Variants in EPHA3 observed in about 807,000 individuals in gnomAD.
The protein encoded by EPHA3 is EPH receptor A3, also known as ephrin type-A receptor 3.
In EPHA3, 42 loss-of-function variants were observed where a neutral mutation model predicts 107.1. The ratio of observed to expected loss-of-function variants is 0.39; its 90% CI spans 0.31 to 0.51. The LOEUF is 0.51. Ranked by LOEUF, EPHA3 falls within the 20% of genes least tolerant of loss-of-function variation. The pLI is 0.78. For synonymous variants in EPHA3, 461 were observed against 424.8 expected, an observed-to-expected ratio of 1.09 and a Z score of -1.05; for missense variants, 1,183 against 1,211.2, an observed-to-expected ratio of 0.98 and a Z score of 0.35.
intron 15 of EPHA3, among the ~76,000 whole-genome samples, chr3:89,470,928 T>C (rs965808386): frequency 6.6e-6 from 1 of 152,222 alleles, no homozygotes; most frequent in Non-Finnish European, 1.5e-5. Context: ...GTCTGTGTAA[T>C]ATTCTTAGCA....
At chr3:89,435,851 G>T (rs1709660168) in intron 13 of EPHA3, among the ~76,000 whole-genome samples, 1 of 150,648 alleles carries the variant, frequency 6.6e-6, no homozygotes, top group African/African-American at 2.4e-5. Context: ...TACTTGGGAG[G>T]CTGAGGCATA....
intron 3 of EPHA3, among the ~76,000 whole-genome samples, chr3:89,243,267 C>A (rs1048591120): frequency 6.6e-6 from 1 of 152,070 alleles, no homozygotes; most frequent in Non-Finnish European, 1.5e-5. Flanking sequence ...TGGGTATATA[C>A]GCAGTAATGG....
chr3:89,182,755 T>A lies in EPHA3; in HGVS notation c.154-27105T>A, dbSNP rs193232706. ...GTATAATCAACAAAAACTTAGCATA[T>A]CTTTCTACATCTGTACCAATGTCAG... On this transcript the variant is annotated intron_variant, in intron 2 of 16. Coordinates refer to ENST00000336596, the MANE Select transcript of EPHA3 (RefSeq NM_005233.6). 1.3e-4 allele frequency among the ~76,000 whole-genome samples: 19 copies of A among 151,996 alleles called. No individual in the cohort carries two copies. In the Middle Eastern group the frequency reaches 0.017, roughly 136 times the overall value.
chr3:89,347,297 G>A (rs1379951083), intron 5 of EPHA3, among the ~76,000 whole-genome samples: 15 of 146,220 alleles, frequency 1.0e-4, no homozygotes, highest in African/African-American at 3.8e-4. Flanking sequence ...ATTTCTTTGA[G>A]CAGTGGTTTG....
intron 2 of EPHA3, among the ~76,000 whole-genome samples, chr3:89,205,476 A>G (rs971976919): frequency 1.3e-5 from 2 of 152,134 alleles, no homozygotes; most frequent in African/African-American, 4.8e-5. Flanking sequence ...TATTTTCAGA[A>G]TGGACTGTCC....
intron 15 of EPHA3, among the ~76,000 whole-genome samples, chr3:89,467,043 A>G (rs1710293164): frequency 6.6e-6 from 1 of 152,166 alleles, no homozygotes; most frequent in African/African-American, 2.4e-5. Flanking sequence ...TGGGAACTGT[A>G]TATATTCAAA....
intron 2 of EPHA3, among the ~76,000 whole-genome samples, chr3:89,131,928 T>C (rs1211421683): frequency 6.6e-6 from 1 of 152,148 alleles, no homozygotes; most frequent in Non-Finnish European, 1.5e-5. Context: ...GTTTTCACCC[T>C]CCCAGGTGTT....
At chr3:89,357,654 G>GA (rs1707996377) in intron 5 of EPHA3, among the ~76,000 whole-genome samples, 1 of 151,096 alleles carries the variant, frequency 6.6e-6, no homozygotes, top group Non-Finnish European at 1.5e-5. Context: ...GTTTCAAGTA[G>GA]TAAAGCTTGT....
chr3:89,351,325 T>C (rs866519568), intron 5 of EPHA3, among the ~76,000 whole-genome samples: 25 of 151,452 alleles, frequency 1.7e-4, no homozygotes, highest in East Asian at 9.7e-4. Context: ...CGTGGTGCGC[T>C]GTTTTTTAAG....
At chr3:89,252,584 G>A (rs1454859922) in intron 3 of EPHA3, among the ~76,000 whole-genome samples, 2 of 152,168 alleles carry the variant, frequency 1.3e-5, no homozygotes, top group African/African-American at 2.4e-5. Flanking sequence ...TAAAAAATTA[G>A]TCAGGCATGG....
At chr3:89,445,202 G>A (rs1160889780) in intron 13 of EPHA3, among the ~76,000 whole-genome samples, 1 of 152,068 alleles carries the variant, frequency 6.6e-6, no homozygotes, top group Non-Finnish European at 1.5e-5. Context: ...AGAGGGGGAG[G>A]TTGCAGTGAG....
At chr3:89,435,451 ATATATAAATATATATT>A (rs1476087841) in intron 13 of EPHA3, among the ~76,000 whole-genome samples, 3 of 145,274 alleles carry the variant, frequency 2.1e-5, no homozygotes, top group Non-Finnish European at 4.5e-5. Flanking sequence ...AAATATATAT[ATATATAAATATATATT>A]TATATATATA....
At chr3:89,341,716 G>T in intron 4 of EPHA3, 39 bp from the exon 5 acceptor site, 1 of 1,487,274 alleles carries the variant, frequency 6.7e-7, no homozygotes, top group Non-Finnish European at 9.2e-7. Context: ...GTAGAAAACA[G>T]AAGTGAGGCT....
intron 2 of EPHA3, among the ~76,000 whole-genome samples, chr3:89,197,774 G>A (rs1271582661): frequency 1.3e-5 from 2 of 152,012 alleles, no homozygotes; most frequent in Non-Finnish European, 2.9e-5. Context: ...TCAGGAATTC[G>A]AGACTAGCCT....
intron 2 of EPHA3, among the ~76,000 whole-genome samples, chr3:89,200,030 G>A (rs1345476367): frequency 6.6e-6 from 1 of 152,184 alleles, no homozygotes; most frequent in Admixed American, 6.5e-5. Flanking sequence ...ATAGAGAAAT[G>A]AGTGAGTGTG....
At chr3:89,432,169 T>G (rs1396677767) in intron 13 of EPHA3, among the ~76,000 whole-genome samples, 2 of 152,182 alleles carry the variant, frequency 1.3e-5, no homozygotes, top group Non-Finnish European at 2.9e-5. Flanking sequence ...CATGATTTTC[T>G]AATGATACAT....
At chr3:89,345,014 A>G (rs1480056683) in intron 5 of EPHA3, among the ~76,000 whole-genome samples, 2 of 151,344 alleles carry the variant, frequency 1.3e-5, no homozygotes, top group Non-Finnish European at 3.0e-5. Context: ...TCAAACTTAT[A>G]ACGACATAAA....
At chr3:89,129,656 G>A (rs143254367) in intron 2 of EPHA3, among the ~76,000 whole-genome samples, 13 of 144,898 alleles carry the variant, frequency 9.0e-5, no homozygotes, top group African/African-American at 3.3e-4. Context: ...AATAATGTAT[G>A]GTAAGTTTAG....
intron 7 of EPHA3, among the ~76,000 whole-genome samples, chr3:89,400,636 C>CGTGTGT (rs57254382): frequency 1.4e-5 from 2 of 145,228 alleles, no homozygotes; most frequent in Non-Finnish European, 3.0e-5. Flanking sequence ...TGTGTGTGAG[C>CGTGTGT]GTGTGTGTGT....
Sources: gnomAD v4.1 joint callset for allele counts (sites outside exome capture counted in the v4.1 genomes callset) on GRCh38, gnomAD v4.1.1 for gene constraint, MANE v1.5 for transcripts, NCBI Gene and HGNC (gene_info 2026-07-23, HGNC 2026-07-21) for gene names.